MIX23: variants seen among roughly 807,000 people sequenced by gnomAD.
The protein encoded by MIX23 is mitochondrial matrix import factor 23.
Under a neutral mutation model 21.6 loss-of-function variants are expected in MIX23, and 13 were observed. That is an observed-to-expected ratio of 0.60 (90% CI 0.39 to 0.96). The LOEUF is 0.96. Among genes scored for constraint, MIX23 ranks in the 40% least tolerant of loss-of-function variants. MIX23 has a pLI of 0.00. For synonymous variants in MIX23, 59 were observed against 58.0 expected (o/e 1.02, Z -0.08); for missense variants, 144 against 171.2 (o/e 0.84, Z 0.89).
chr3:122,365,681 A>C (rs1456086949), intron 3 of MIX23: 3 of 152,202 alleles, frequency 2.0e-5, no homozygotes, highest in Admixed American at 6.5e-5. Context: ...TGTGTGTCAC[A>C]ATCATTCCCA....
chr3:122,377,177 T>G (rs544136066), intron 1 of MIX23, among the ~76,000 whole-genome samples: 1 of 152,244 alleles, frequency 6.6e-6, no homozygotes, highest in South Asian at 2.1e-4. Context: ...CGAGACTCCA[T>G]CTCCGAAAAG....
intron 1 of MIX23, among the ~76,000 whole-genome samples, chr3:122,376,421 CA>C (rs1213127979): frequency 6.6e-6 from 1 of 151,896 alleles, no homozygotes; most frequent in Non-Finnish European, 1.5e-5. Context: ...AGTTCAAGAC[CA>C]GCTTGGACAA....
intron 3 of MIX23, among the ~76,000 whole-genome samples, chr3:122,363,937 G>A (rs2075378014): frequency 6.6e-6 from 1 of 152,112 alleles, no homozygotes; most frequent in Non-Finnish European, 1.5e-5. Flanking sequence ...AGGAAAATGA[G>A]GAGAAAAAAG....
At position 122,371,680 on chromosome 3, in the gene MIX23, CAT is replaced by C; in HGVS notation, c.170_171del (p.Tyr57Ter). 6.2e-7 allele frequency: 1 copy of C among 1,612,008 alleles called. No individual in the cohort carries two copies. Among genetic ancestry groups the C allele is most frequent in the African/African-American group, 1.3e-5 (1 of 74,976 alleles). On this transcript the variant is annotated frameshift_variant, in exon 2 of 5. Coordinates refer to ENST00000291458, the MANE Select transcript of MIX23 (RefSeq NM_001017928.4). LOFTEE classifies it high-confidence loss of function. ...GACTCAAAAAATACACTTACAGACTCATAAAGTTGTTTACAGGTTTGGCTGGC... is the reference window on the plus strand; with the variant it reads ...GACTCAAAAAATACACTTACAGACTCAAAGTTGTTTACAGGTTTGGCTGGC... ...IDASQTCKQL[Y>X]ESLMAAHASR...
At chr3:122,377,626 A>G (rs1430428781) in intron 1 of MIX23, among the ~76,000 whole-genome samples, 1 of 152,106 alleles carries the variant, frequency 6.6e-6, no homozygotes, top group Admixed American at 6.5e-5. Flanking sequence ...AGGCGGGAGG[A>G]CTGCTTACGG....
At chr3:122,360,887 A>C (rs933523937) in intron 4 of MIX23, among the ~76,000 whole-genome samples, 4 of 152,204 alleles carry the variant, frequency 2.6e-5, no homozygotes, top group Admixed American at 6.5e-5. Context: ...CTTGTCGCCC[A>C]GGCTGGAGTG....
intron 3 of MIX23, 27 bp downstream of exon 3, chr3:122,368,149 G>A (rs766754075): frequency 6.2e-7 from 1 of 1,606,130 alleles, no homozygotes; most frequent in Non-Finnish European, 8.5e-7. Context: ...AACTTTGCCT[G>A]AGAAATGTTA....
intron 3 of MIX23, 67 bp from the exon 4 acceptor site, chr3:122,363,094 A>C (rs899624064): frequency 8.8e-6 from 12 of 1,368,608 alleles, no homozygotes; most frequent in Non-Finnish European, 1.1e-5. Flanking sequence ...AAGTTATAAA[A>C]TTTAAAGAGC....
At chr3:122,376,074 A>G (rs1268203955) in intron 1 of MIX23, among the ~76,000 whole-genome samples, 2 of 148,358 alleles carry the variant, frequency 1.3e-5, no homozygotes, top group African/African-American at 5.0e-5. Flanking sequence ...GAGGCAGGAA[A>G]ATCACTTGAA....
intron 4 of MIX23, among the ~76,000 whole-genome samples, chr3:122,362,661 G>A (rs1052479275): frequency 6.6e-5 from 10 of 151,898 alleles, no homozygotes; most frequent in Non-Finnish European, 1.3e-4. Flanking sequence ...ATTTTTAGTA[G>A]ACACCTGACT....
intron 3 of MIX23, among the ~76,000 whole-genome samples, chr3:122,363,318 G>A (rs1559988881): frequency 6.8e-6 from 1 of 148,070 alleles, no homozygotes. Context: ...CATACAAAAG[G>A]CCAGTAAACA....
intron 1 of MIX23, among the ~76,000 whole-genome samples, chr3:122,378,088 G>A (rs1215912712): frequency 6.6e-6 from 1 of 152,196 alleles, no homozygotes; most frequent in East Asian, 1.9e-4. Context: ...GTTTTCTGTT[G>A]TGATTAAGGT....
chr3:122,364,796 A>G (rs1166990712), intron 3 of MIX23, among the ~76,000 whole-genome samples: 1 of 152,194 alleles, frequency 6.6e-6, no homozygotes, highest in African/African-American at 2.4e-5. Flanking sequence ...GCTACTTTGT[A>G]GCAGCCAATA....
chr3:122,366,179 A>AAAATAAAT (rs139237017), intron 3 of MIX23, among the ~76,000 whole-genome samples: 55 of 147,022 alleles, frequency 3.7e-4, no homozygotes, highest in East Asian at 2.0e-3. Flanking sequence ...CTCCATCTCA[A>AAAATAAAT]AAATAAATAA....
Position 122,373,791 on chromosome 3 carries a change from C to T in MIX23, c.52-1991G>A, listed in dbSNP as rs143857972. Among the ~76,000 whole-genome samples the T allele has an allele frequency of 4.2e-3, 644 of 152,168 alleles. 3 individuals are homozygous for T. The highest frequency in any genetic ancestry group is 7.4e-3 in the Non-Finnish European group (505 of 68,012). On this transcript the variant is annotated intron_variant, in intron 1 of 4. Transcript: ENST00000291458. ...TCTATACCTCAATCTAGAAGTGAAACGGCTTGCAGAAGGCTCATAATTCAG... is the reference window on the plus strand; with the variant it reads ...TCTATACCTCAATCTAGAAGTGAAATGGCTTGCAGAAGGCTCATAATTCAG...
chr3:122,362,862 A>G (rs1460680144), intron 4 of MIX23, 106 bp downstream of exon 4: 2 of 690,038 alleles, frequency 2.9e-6, no homozygotes, highest in East Asian at 3.5e-5. Flanking sequence ...AGTGATCTCT[A>G]CTTTCCTTAC....
Position 122,362,804 on chromosome 3 carries a change from C to T in MIX23, c.384+164G>A, listed in dbSNP as rs540416463. On this transcript the variant is annotated intron_variant, in intron 4 of 4. Coordinates refer to ENST00000291458, the MANE Select transcript of MIX23 (RefSeq NM_001017928.4). ...CTAACTGCATCCTGCTCTCCCTACC[C>T]TCCCCCCAACCCCAAAAGGTTACAA... Among the ~76,000 whole-genome samples, 230 of 130,416 alleles carry T rather than the reference C, an allele frequency of 1.8e-3. 2 individuals are homozygous for T. The highest frequency in any genetic ancestry group is 6.2e-3 in the African/African-American group (219 of 35,086). 85.6% of individuals were successfully genotyped at this position (130,416 alleles called of 152,430 possible).
intron 3 of MIX23, chr3:122,367,950 T>C: frequency 1.9e-6 from 1 of 526,034 alleles, no homozygotes; most frequent in Non-Finnish European, 3.4e-6. Flanking sequence ...GTGCTTATTT[T>C]AGACAAAGCT....
Position 122,380,867 on chromosome 3 carries a change from A to G in MIX23, c.51+2307T>C, listed in dbSNP as rs376834500. On this transcript the variant is annotated intron_variant, in intron 1 of 4. Transcript: ENST00000291458. Reference sequence around the variant, plus strand: ...CTAGTTTCAAAAATGATACGGGCCTAAACAAAGCCACTGGCAGTAGTGATG... The same window carrying G: ...CTAGTTTCAAAAATGATACGGGCCTGAACAAAGCCACTGGCAGTAGTGATG... Among the ~76,000 whole-genome samples the G allele has an allele frequency of 6.6e-5, 10 of 152,316 alleles. 1 individual carries two copies. Among genetic ancestry groups the G allele is most frequent in the East Asian group, 3.9e-4 (2 of 5,192 alleles).
Sources: gnomAD v4.1 joint callset for allele counts (sites outside exome capture counted in the v4.1 genomes callset) on GRCh38, gnomAD v4.1.1 for gene constraint, MANE v1.5 for transcripts, NCBI Gene and HGNC (gene_info 2026-07-23, HGNC 2026-07-21) for gene names.